The following PACS2 variants were observed in gnomAD, a reference collection of about 807,000 sequenced individuals.
The protein encoded by PACS2 is phosphofurin acidic cluster sorting protein 2.
Under a neutral mutation model 113.0 loss-of-function variants are expected in PACS2, and 36 were observed. That is an observed-to-expected ratio of 0.32 (90% CI 0.24 to 0.42). The LOEUF (loss-of-function observed/expected upper bound fraction) is 0.42, where lower values mean the gene tolerates loss of function less well. PACS2 is among the 10% of genes least tolerant of loss of function. The pLI is 1.00. For synonymous variants in PACS2, 589 were observed against 536.1 expected (o/e 1.10, Z -1.36); for missense variants, 1,015 against 1,239.5 (o/e 0.82, Z 2.72).
chr14:105,316,265 G>T (rs111647722), intron 1 of PACS2, among the ~76,000 whole-genome samples: 2 of 152,266 alleles, frequency 1.3e-5, no homozygotes, highest in African/African-American at 4.8e-5. Flanking sequence ...TTTGCCCAAG[G>T]TCTGGGGCCG....
In PACS2 at chr14:105,393,078, C is replaced by T. The variant is rs587652853; in HGVS notation, c.2483-144C>T. The T allele has an allele frequency of 6.5e-5, 47 of 727,306 alleles. No individual in the cohort carries two copies. The East Asian group carries it at 1.1e-3, about 18-fold the overall frequency. The allele number at this position is 727,306 out of a possible 1,614,324, so 45.1% of individuals were successfully genotyped here. ...GGGTGGGCAGGAGAGCAGCTGTCCT[C>T]AGTCACCGTGGAAGGCAGGTTTCCT... On this transcript the variant is annotated intron_variant, in intron 23 of 24. Coordinates refer to ENST00000447393, the MANE Select transcript of PACS2 (RefSeq NM_001100913.3).
chr14:105,385,839 G>A (rs1050598128), intron 19 of PACS2, 122 bp downstream of exon 19: 25 of 550,684 alleles, frequency 4.5e-5, no homozygotes, highest in Non-Finnish European at 7.1e-5. Context: ...GTCAGGCCCT[G>A]AGGGCCACCA....
At chr14:105,353,852 A>G (rs912027080) in intron 3 of PACS2, among the ~76,000 whole-genome samples, 1 of 151,962 alleles carries the variant, frequency 6.6e-6, no homozygotes, top group Non-Finnish European at 1.5e-5. Flanking sequence ...TCGGCCTCTC[A>G]AAGTGCTGGG....
intron 1 of PACS2, among the ~76,000 whole-genome samples, chr14:105,343,457 T>C (rs1167129087): frequency 3.9e-5 from 6 of 152,232 alleles, no homozygotes; most frequent in Non-Finnish European, 8.8e-5. Flanking sequence ...GACTCTGCCA[T>C]GTGGCGTTCT....
intron 1 of PACS2, among the ~76,000 whole-genome samples, chr14:105,339,199 AC>A (rs2140952187): frequency 6.6e-6 from 1 of 152,276 alleles, no homozygotes; most frequent in East Asian, 1.9e-4. Flanking sequence ...TCAGAGCGAG[AC>A]CAGGTGCTTC....
chr14:105,394,417 G>A lies in PACS2; in HGVS notation c.2597-137G>A, dbSNP rs1218899963. The A allele has an allele frequency of 4.1e-5, 60 of 1,476,830 alleles. No individual in the cohort carries two copies. In the South Asian group the frequency reaches 5.8e-4, roughly 14 times the overall value. 91.5% of individuals were successfully genotyped at this position (1,476,830 alleles called of 1,614,324 possible). ...GAGCCCCCGAGTCCCTGAGGAAAGT[G>A]TTGATGCCCTCCAGCATGGGGCTCC... On this transcript the variant is annotated intron_variant, in intron 24 of 24. Coordinates refer to ENST00000447393, the MANE Select transcript of PACS2 (RefSeq NM_001100913.3).
rs1390345765 is a variant in PACS2, at chr14:105,317,390, C to T, written c.119+2353C>T. On this transcript the variant is annotated intron_variant, in intron 1 of 24. Transcript: ENST00000447393. The surrounding 1 kb of genome is among the most constrained non-coding windows in gnomAD (Gnocchi z 4.2). ...TTTATGGTGGGGGTGTGCACGCACT[C>T]AGCGTTACTGCTGGGCAGTTTTCCA... Among the ~76,000 whole-genome samples the T allele has an allele frequency of 6.6e-6, 1 of 152,168 alleles. No homozygotes were observed. The highest frequency in any genetic ancestry group is 1.5e-5 in the Non-Finnish European group (1 of 68,038).
intron 22 of PACS2, chr14:105,392,237 G>A (rs587610244): frequency 1.4e-5 from 5 of 352,226 alleles, no homozygotes; most frequent in Admixed American, 9.2e-5. Flanking sequence ...CTGGTGCTGC[G>A]TGCAGGGCTC....
intron 4 of PACS2, among the ~76,000 whole-genome samples, chr14:105,360,474 C>T (rs1368781324): frequency 1.3e-5 from 2 of 148,518 alleles, no homozygotes; most frequent in African/African-American, 2.5e-5. Flanking sequence ...ACCCGGGAGG[C>T]GGAGGTTGCA....
Position 105,348,147 on chromosome 14 carries a change from T to C in PACS2, c.120-346T>C, listed in dbSNP as rs1555403071. 6.6e-6 allele frequency among the ~76,000 whole-genome samples: 1 copy of C among 152,084 alleles called. No individual in the cohort carries two copies. The highest frequency in any genetic ancestry group is 1.5e-5 in the Non-Finnish European group (1 of 67,978). Reference sequence around the variant, plus strand: ...TGTGCTCTCACAGCTGGGAGCTGGCTCAGGACTCTCAGATCTTCTCTTTGT... The same window carrying C: ...TGTGCTCTCACAGCTGGGAGCTGGCCCAGGACTCTCAGATCTTCTCTTTGT... On this transcript the variant is annotated intron_variant, in intron 1 of 24. Coordinates refer to ENST00000447393, the MANE Select transcript of PACS2 (RefSeq NM_001100913.3). The surrounding 1 kb of genome is among the most constrained non-coding windows in gnomAD (Gnocchi z 6.4).
upstream of PACS2, among the ~76,000 whole-genome samples, chr14:105,310,509 G>A (rs181991823): frequency 1.9e-4 from 22 of 115,458 alleles, no homozygotes; most frequent in East Asian, 2.2e-3. Flanking sequence ...CAGCCTGGGC[G>A]ACAGACAGAG....
chr14:105,330,888 T>C lies in PACS2; in HGVS notation c.119+15851T>C, dbSNP rs368807554. Among the ~76,000 whole-genome samples, 4 of 152,312 alleles carry C rather than the reference T, an allele frequency of 2.6e-5. No homozygotes were observed. Among genetic ancestry groups the C allele is most frequent in the African/African-American group, 9.6e-5 (4 of 41,550 alleles). Reference sequence around the variant, plus strand: ...ATGCAGCCTCTACCGGCATCTCACGTGATGTCAACCTTCTGGGTCCTTGGG... The same window carrying C: ...ATGCAGCCTCTACCGGCATCTCACGCGATGTCAACCTTCTGGGTCCTTGGG... On this transcript the variant is annotated intron_variant, in intron 1 of 24. Transcript: ENST00000447393. This position sits in a 1 kb window ranked among gnomAD's most constrained non-coding sequence, Gnocchi z 6.9.
At chr14:105,306,398 G>A (rs1370535245) in intron 1 of PACS2, among the ~76,000 whole-genome samples, 1 of 152,190 alleles carries the variant, frequency 6.6e-6, no homozygotes, top group East Asian at 1.9e-4. Context: ...CTGCCTCCCA[G>A]GTTCAAGCGA....
Position 105,315,084 on chromosome 14 carries a change from G to C in PACS2, c.119+47G>C. ...TTGTTCCCGCCGGGCACCTGCTGGG[G>C]GTGTCCTGGCCGCGGCCTCTGCGCG... On this transcript the variant is annotated intron_variant, in intron 1 of 24. Transcript: ENST00000447393. This position sits in a 1 kb window ranked among gnomAD's most constrained non-coding sequence, Gnocchi z 4.4. 7 of 1,072,622 alleles carry C rather than the reference G, an allele frequency of 6.5e-6. No individual in the cohort carries two copies. Among genetic ancestry groups the C allele is most frequent in the Non-Finnish European group, 8.0e-6 (7 of 879,562 alleles). 66.4% of individuals were successfully genotyped at this position (1,072,622 alleles called of 1,614,324 possible).
In PACS2 at chr14:105,330,101, C is replaced by T. The variant is rs1442154874; in HGVS notation, c.119+15064C>T. ...GGAAGGAACGGGGACAGGGAGCCTC[C>T]GAGAAGCCTGGGGTCCGTGTGTGGG... is the stretch of plus-strand genomic sequence containing the variant. On this transcript the variant is annotated intron_variant, in intron 1 of 24. Transcript: ENST00000447393. This position sits in a 1 kb window ranked among gnomAD's most constrained non-coding sequence, Gnocchi z 6.9. 1.4e-5 allele frequency among the ~76,000 whole-genome samples: 2 copies of T among 147,706 alleles called. No individual in the cohort carries two copies. The highest frequency in any genetic ancestry group is 2.0e-4 in the East Asian group (1 of 4,932).
chr14:105,342,152 C>G (rs1447389480), intron 1 of PACS2, among the ~76,000 whole-genome samples: 2 of 152,214 alleles, frequency 1.3e-5, no homozygotes, highest in African/African-American at 4.8e-5. Flanking sequence ...TACCTGCGCA[C>G]TCCCCAAATG....
Position 105,376,635 on chromosome 14 carries a change from C to T in PACS2, c.802-133C>T, listed in dbSNP as rs181721496. 2.7e-3 allele frequency: 1,989 copies of T among 726,128 alleles called. 8 individuals are homozygous for T. The highest frequency in any genetic ancestry group is 4.1e-3 in the Non-Finnish European group (1,821 of 445,104). The allele number at this position is 726,128 out of a possible 1,614,324, so 45.0% of individuals were successfully genotyped here. ...TCCAAGACAGAAGCTGGACTACAGC[C>T]GTGCTGAGTGGAGGGGTTTGGTGGC... On this transcript the variant is annotated intron_variant, in intron 8 of 24. Transcript: ENST00000447393. This position sits in a 1 kb window ranked among gnomAD's most constrained non-coding sequence, Gnocchi z 4.7.
upstream of PACS2, among the ~76,000 whole-genome samples, chr14:105,309,776 CTTTTT>C (rs928875653): frequency 3.4e-4 from 30 of 89,206 alleles, no homozygotes; most frequent in Admixed American, 5.1e-4. The surrounding 1 kb of genome is among the most constrained non-coding windows in gnomAD (Gnocchi z 4.0). Context: ...TGATGTGTGT[CTTTTT>C]TTTTTTTTTT....
chr14:105,307,296 T>C (rs986116658), intron 1 of PACS2, among the ~76,000 whole-genome samples: 3 of 152,106 alleles, frequency 2.0e-5, no homozygotes, highest in Non-Finnish European at 4.4e-5. Flanking sequence ...ACTAGCCCCC[T>C]GCCCTAAATC....
Sources: allele counts gnomAD v4.1 joint callset (sites outside exome capture counted in the v4.1 genomes callset), GRCh38; gene constraint gnomAD v4.1.1; non-coding constraint Gnocchi (gnomAD v3.1); transcripts MANE v1.5; gene names NCBI Gene and HGNC (gene_info 2026-07-23, HGNC 2026-07-21).